Variants in FLT1 observed in about 807,000 individuals in gnomAD.
FLT1 encodes fms related receptor tyrosine kinase 1.
A neutral mutation model predicts 156.3 loss-of-function variants in FLT1; 49 were observed. The observed-to-expected ratio is 0.31, with a 90% confidence interval of 0.25 to 0.40. The LOEUF is 0.40. Ranked by LOEUF, FLT1 falls within the 10% of genes least tolerant of loss-of-function variation. The pLI is 1.00. For missense variants in FLT1, 1,322 were observed against 1,637.2 expected (o/e 0.81, Z 3.32); for synonymous variants, 594 against 583.8 (o/e 1.02, Z -0.25).
intron 14 of FLT1, among the ~76,000 whole-genome samples, chr13:28,366,716 C>T (rs1428422668): frequency 6.6e-6 from 1 of 152,086 alleles, no homozygotes; most frequent in African/African-American, 2.4e-5. Flanking sequence ...GGTAATCCAC[C>T]TGCCTGGGCC....
intron 15 of FLT1, among the ~76,000 whole-genome samples, chr13:28,354,463 G>A (rs1368494664): frequency 2.6e-5 from 4 of 152,128 alleles, no homozygotes; most frequent in Non-Finnish European, 4.4e-5. Context: ...CTGTCAGAAA[G>A]CTCCTAAACT....
At chr13:28,320,336 C>G (rs1044933636) in intron 23 of FLT1, among the ~76,000 whole-genome samples, 7 of 152,056 alleles carry the variant, frequency 4.6e-5, no homozygotes, top group Admixed American at 1.3e-4. Flanking sequence ...TACAAAGGAT[C>G]AATGTGAAGT....
chr13:28,392,219 G>A (rs1459711782), intron 12 of FLT1, among the ~76,000 whole-genome samples: 9 of 152,208 alleles, frequency 5.9e-5, no homozygotes, highest in African/African-American at 1.9e-4. Flanking sequence ...TTACGAAGCC[G>A]TCAGTGGCTG....
Position 28,396,961 on chromosome 13 carries a change from T to A in FLT1, c.1659A>T (p.Thr553=), listed in dbSNP as rs1169641241. ...CTGGTTATAGGATGTGTGGCTTACC[T>A]GTGATATAAAAGCTTATGTTTCTTC... The part of the protein sequence containing the change: ...TVGRNISFYI[T]DVPNGFHVNL... Residue 553 remains threonine (T), a splice_region_variant and synonymous_variant, in exon 12 of 30, where the codon ACA becomes ACT. Coordinates refer to ENST00000282397, the MANE Select transcript of FLT1 (RefSeq NM_002019.4). 1.9e-6 allele frequency: 3 copies of A among 1,555,008 alleles called. No individual in the cohort carries two copies. The highest frequency in any genetic ancestry group is 2.7e-5 in the African/African-American group (2 of 73,814).
chr13:28,380,533 G>A (rs981597836), intron 14 of FLT1, among the ~76,000 whole-genome samples: 2 of 152,144 alleles, frequency 1.3e-5, no homozygotes, highest in Admixed American at 1.3e-4. Context: ...TTGCTGACTT[G>A]GTATAGCTGA....
rs1241537015 is a variant in FLT1, at chr13:28,300,866, T to C, written c.*2301A>G. 4.3e-6 allele frequency: 1 copy of C among 233,168 alleles called. No individual in the cohort carries two copies. Among genetic ancestry groups the C allele is most frequent in the African/African-American group, 2.2e-5 (1 of 45,360 alleles). The allele number at this position is 233,168 out of a possible 1,614,324, so 14.4% of individuals were successfully genotyped here. Reference sequence around the variant, plus strand: ...GATTGGAATATTATCAGTTAATTCATGTTTCAATTTTCAGTGCTATTTTAA... The same window carrying C: ...GATTGGAATATTATCAGTTAATTCACGTTTCAATTTTCAGTGCTATTTTAA... On this transcript the variant is annotated 3_prime_UTR_variant, in exon 30 of 30. Transcript: ENST00000282397.
At position 28,317,523 on chromosome 13, in the gene FLT1, C is replaced by A; in HGVS notation, c.3361G>T (p.Ala1121Ser). 6.2e-7 allele frequency: 1 copy of A among 1,613,052 alleles called. No homozygotes were observed. Among genetic ancestry groups the A allele is most frequent in the South Asian group, 1.1e-5 (1 of 91,044 alleles). ...ATTTCAGGAGTAGAGTACTCAGGAG[C>A]TCTCATCCTCATGCCTTCCCTCAGG... ...SRLREGMRMR[A>S]PEYSTPEIYQ... Residue 1121 changes from alanine to serine, a missense_variant, in exon 25 of 30, where the codon GCT (alanine) becomes TCT (serine). Ala to Ser is a moderately conservative substitution (Grantham distance 99). Around this residue, in one of 3 missense-constraint regions of FLT1, gnomAD observed 329 missense variants for 366.2 expected, o/e 0.90. Coordinates refer to ENST00000282397, the MANE Select transcript of FLT1 (RefSeq NM_002019.4).
At chr13:28,476,745 A>G (rs528267557) in intron 1 of FLT1, among the ~76,000 whole-genome samples, 45 of 152,362 alleles carry the variant, frequency 3.0e-4, no homozygotes, top group African/African-American at 1.0e-3. Flanking sequence ...GTGTCAAAAA[A>G]TAAATCAAGA....
At chr13:28,389,747 T>G (rs368015823) in intron 13 of FLT1, 49 bp downstream of exon 13, 6 of 1,613,994 alleles carry the variant, frequency 3.7e-6, no homozygotes, top group Non-Finnish European at 4.2e-6. Context: ...CCTTGTGCTT[T>G]TAAATTTGGA....
At position 28,345,445 on chromosome 13, in the gene FLT1, C is replaced by T. The variant is rs1272476982; in HGVS notation, c.2355G>A (p.Arg785=). 6.3e-7 allele frequency: 1 copy of T among 1,584,618 alleles called. No homozygotes were observed. The highest frequency in any genetic ancestry group is 1.3e-5 in the African/African-American group (1 of 74,296). Residue 785 remains arginine, a splice_region_variant and synonymous_variant, in exon 16 of 30, where the codon AGG becomes AGA. Coordinates refer to ENST00000282397, the MANE Select transcript of FLT1 (RefSeq NM_002019.4). ...LLTLFIRKMK[R]SSSEIKTDYL... ...CATAGAACATCACCTATGTTCTTAC[C>T]CTTTTCATTTTTCGGATAAAGAGGG...
intron 25 of FLT1, among the ~76,000 whole-genome samples, chr13:28,315,853 A>G (rs996502618): frequency 6.6e-6 from 1 of 152,148 alleles, no homozygotes; most frequent in Non-Finnish European, 1.5e-5. Context: ...ACATCAGTCC[A>G]GAGGCTTGGG....
At position 28,450,536 on chromosome 13, in the gene FLT1, G is replaced by A. The variant is rs78430458; in HGVS notation, c.389-12191C>T. 3.6e-3 allele frequency among the ~76,000 whole-genome samples: 543 copies of A among 152,000 alleles called. 3 individuals are homozygous for A. The highest frequency in any genetic ancestry group is 0.013 in the African/African-American group (526 of 41,450). On this transcript the variant is annotated intron_variant, in intron 3 of 29. Coordinates refer to ENST00000282397, the MANE Select transcript of FLT1 (RefSeq NM_002019.4). Reference sequence around the variant, plus strand: ...AGAAGGGAAGGAGGGAGGAAAGGAGGGAGAGAGGGAGAAAAGAAGGAAGGA... The same window carrying A: ...AGAAGGGAAGGAGGGAGGAAAGGAGAGAGAGAGGGAGAAAAGAAGGAAGGA...
At chr13:28,342,740 A>G (rs954998456) in intron 16 of FLT1, among the ~76,000 whole-genome samples, 2 of 152,200 alleles carry the variant, frequency 1.3e-5, no homozygotes, top group African/African-American at 4.8e-5. Flanking sequence ...AAATGGGAAT[A>G]ATAATATATT....
chr13:28,395,822 A>G (rs1197949376), intron 12 of FLT1, among the ~76,000 whole-genome samples: 2 of 152,260 alleles, frequency 1.3e-5, no homozygotes, highest in African/African-American at 4.8e-5. Context: ...AGTGCTCAGT[A>G]GAGTTGAACT....
rs758531658 is a variant in FLT1 at position 28,303,280 on chromosome 13, C to T, written c.3904G>A (p.Glu1302Lys). 5.6e-6 allele frequency: 9 copies of T among 1,614,070 alleles called. No individual in the cohort carries two copies. Among genetic ancestry groups the T allele is most frequent in the Admixed American group, 5.0e-5 (3 of 60,026 alleles). ...TCGTAGGTGAACCTGCGCTTGCCTT[C>T]GCTGACGTGCCCACAGCTGGAATGG... ...FCHSSCGHVSEGKRRFTYDHA... is the reference protein window; with the variant it reads ...FCHSSCGHVSKGKRRFTYDHA... The change falls in exon 30 of 30, where the codon GAA (glutamate) becomes AAA (lysine). Residue 1302 changes from glutamate (E) to lysine (K), a missense_variant. Glu to Lys is a moderately conservative substitution (Grantham distance 56, BLOSUM62 1). Transcript: ENST00000282397.
At chr13:28,308,809 G>A (rs773395159) in intron 28 of FLT1, 34 bp downstream of exon 28, 13 of 1,269,672 alleles carry the variant, frequency 1.0e-5, no homozygotes, top group African/African-American at 5.8e-5. Context: ...GGGGTCTATC[G>A]GGGTGCACTA....
intron 3 of FLT1, among the ~76,000 whole-genome samples, chr13:28,441,169 G>T (rs1274772820): frequency 6.6e-6 from 1 of 152,154 alleles, no homozygotes; most frequent in Non-Finnish European, 1.5e-5. Context: ...CTCTGTGAAT[G>T]CTCAACTGGT....
chr13:28,306,781 A>G lies in FLT1; in HGVS notation c.3721-9T>C, dbSNP rs1566277229. The G allele has an allele frequency of 6.3e-7, 1 of 1,595,594 alleles. No homozygotes were observed. The highest frequency in any genetic ancestry group is 1.3e-5 in the African/African-American group (1 of 74,618). On this transcript the variant is annotated splice_polypyrimidine_tract_variant and intron_variant, in intron 28 of 29. Transcript: ENST00000282397. ...CTGTCGCCCTGGTAGTCCTAGGGGG[A>G]GAAGGAGAAAGGTTATACTCTTGCC...
At chr13:28,369,341 A>G (rs1215003648) in intron 14 of FLT1, among the ~76,000 whole-genome samples, 2 of 152,186 alleles carry the variant, frequency 1.3e-5, no homozygotes, top group African/African-American at 2.4e-5. Flanking sequence ...CCTGGCCAAC[A>G]TGGTGAAACT....
Sources: allele counts gnomAD v4.1 joint callset (sites outside exome capture counted in the v4.1 genomes callset), GRCh38; gene constraint gnomAD v4.1.1; regional missense constraint gnomAD v4.1.1; transcripts MANE v1.5; gene names NCBI Gene and HGNC (gene_info 2026-07-23, HGNC 2026-07-21).